DBNDD1: variants seen among roughly 807,000 people sequenced by gnomAD.
The protein encoded by DBNDD1 is dysbindin domain-containing protein 1.
DBNDD1 carries 14 observed loss-of-function variants against 17.0 expected under a neutral mutation model. That is an observed-to-expected ratio of 0.82 (90% CI 0.54 to 1.29). The LOEUF is 1.29. DBNDD1 is among the 50% of genes most tolerant of loss of function. DBNDD1 has a pLI of 0.00. For synonymous variants in DBNDD1, 105 were observed against 102.0 expected (o/e 1.03, Z -0.18); for missense variants, 221 against 216.2 (o/e 1.02, Z -0.14).
intron 3 of DBNDD1, among the ~76,000 whole-genome samples, chr16:90,007,990 C>T (rs11641852): frequency 5.3e-3 from 772 of 146,334 alleles, no homozygotes; most frequent in Non-Finnish European, 6.3e-3. Context: ...CCTCCCAGGA[C>T]GTCCCAAGGG....
chr16:90,016,791 G>A (rs530941350), intron 1 of DBNDD1, among the ~76,000 whole-genome samples: 98 of 152,356 alleles, frequency 6.4e-4, no homozygotes, highest in Non-Finnish European at 1.2e-3. Flanking sequence ...CCCGTCCAGA[G>A]CATCGAGGAG....
intron 1 of DBNDD1, chr16:90,009,905 T>C: frequency 1.3e-6 from 2 of 1,560,782 alleles, no homozygotes; most frequent in Non-Finnish European, 1.8e-6. Context: ...TAAAAACTGA[T>C]GTCGTATTTG....
Position 90,005,473 on chromosome 16 carries a change from G to C in DBNDD1, c.*862C>G, listed in dbSNP as rs941974473. ...GTCCCATGGGCTCCAAACCTGCCCA[G>C]CAAGTTTAAGGGCCGTGGGCAGGCC... is the stretch of plus-strand genomic sequence containing the variant. On this transcript the variant is annotated 3_prime_UTR_variant, in exon 4 of 4. Transcript: ENST00000002501. 1 of 152,236 alleles carries C rather than the reference G, an allele frequency of 6.6e-6. No homozygotes were observed. The highest frequency in any genetic ancestry group is 2.4e-5 in the African/African-American group (1 of 41,448). The allele number at this position is 152,236 out of a possible 1,614,324, so 9.4% of individuals were successfully genotyped here.
chr16:90,011,587 C>G (rs1484837174), intron 1 of DBNDD1: 2 of 446,282 alleles, frequency 4.5e-6, no homozygotes, highest in Non-Finnish European at 4.5e-6. Flanking sequence ...CACCTGCCTC[C>G]TGTCTGAGAA....
chr16:90,017,744 A>G (rs923085107), intron 1 of DBNDD1, among the ~76,000 whole-genome samples: 2 of 152,210 alleles, frequency 1.3e-5, no homozygotes, highest in African/African-American at 2.4e-5. Context: ...AGGTTCCACA[A>G]AGTAGGCATC....
Position 90,009,873 on chromosome 16 carries a change from A to T in DBNDD1, c.32-443T>A, listed in dbSNP as rs922414227. On this transcript the variant is annotated intron_variant, in intron 1 of 3. Transcript: ENST00000002501. ...CTTCAAACCAGAACAGCCCCTCTCC[A>T]CTGTGGACTGACTTTTCCTTTTAAA... 6.6e-6 allele frequency: 9 copies of T among 1,363,938 alleles called. No individual in the cohort carries two copies. In the African/African-American group the frequency reaches 1.1e-4, roughly 17 times the overall value. 84.5% of individuals were successfully genotyped at this position (1,363,938 alleles called of 1,614,324 possible). A position where few individuals can be genotyped will look rare whatever the true frequency, so the allele number is the denominator to read the frequency against.
At chr16:90,015,684 G>A (rs896139164) in intron 1 of DBNDD1, among the ~76,000 whole-genome samples, 2 of 152,186 alleles carry the variant, frequency 1.3e-5, no homozygotes, top group African/African-American at 2.4e-5. Flanking sequence ...CAAGAAGGAC[G>A]GCGGTACTGA....
intron 1 of DBNDD1, among the ~76,000 whole-genome samples, chr16:90,014,352 C>T (rs2035604345): frequency 6.6e-6 from 1 of 152,136 alleles, no homozygotes; most frequent in East Asian, 2.0e-4. Flanking sequence ...GTCTTGAACT[C>T]CTGACCTCAT....
rs1276378320 is a variant in DBNDD1 at position 90,009,770 on chromosome 16, C to G, written c.32-340G>C. 6 of 683,866 alleles carry G rather than the reference C, an allele frequency of 8.8e-6. No individual in the cohort carries two copies. The East Asian group carries it at 1.7e-4, about 19-fold the overall frequency. The allele number at this position is 683,866 out of a possible 1,614,324, so 42.4% of individuals were successfully genotyped here. On this transcript the variant is annotated intron_variant, in intron 1 of 3. Transcript: ENST00000002501. ...CGCGTGGCTGCATTCCAGTGCCGTC[C>G]TGGCCTCTGATTTCTAGCTCGGCCC...
At chr16:90,006,799 A>G (rs1447257365) in intron 3 of DBNDD1, 1 of 337,626 alleles carries the variant, frequency 3.0e-6, no homozygotes, top group East Asian at 4.9e-5. Flanking sequence ...GGGCCTCCCT[A>G]AACTGTTCCC....
chr16:90,006,730 G>A (rs527276463), intron 3 of DBNDD1: 355 of 571,210 alleles, frequency 6.2e-4, no homozygotes, highest in Middle Eastern at 1.9e-3. Context: ...GGTGCTCCCC[G>A]GAGTCACTGT....
At chr16:90,010,349 T>C (rs1251290414) in intron 1 of DBNDD1, 2 of 215,026 alleles carry the variant, frequency 9.3e-6, no homozygotes, top group African/African-American at 4.7e-5. Flanking sequence ...CCTCATTTTT[T>C]TTCACAAACG....
intron 1 of DBNDD1, among the ~76,000 whole-genome samples, chr16:90,013,262 T>TAAACAAAAAAAAAAAAAAAAAAAAAA (rs2035586416): frequency 2.0e-5 from 1 of 49,182 alleles, no homozygotes; most frequent in African/African-American, 7.0e-5. Flanking sequence ...AACCTTGCCT[T>TAAACAAAAAAAAAAAAAAAAAAAAAA]AAAAAAAAAA....
rs1324693161 is a variant in DBNDD1, at chr16:90,009,288, C to T, written c.174G>A (p.Arg58=). The T allele has an allele frequency of 5.6e-6, 9 of 1,613,242 alleles. No individual in the cohort carries two copies. Among genetic ancestry groups the T allele is most frequent in the Non-Finnish European group, 7.6e-6 (9 of 1,179,974 alleles). Residue 58 remains arginine (R), a synonymous_variant, in exon 2 of 4, where the codon AGG becomes AGA. Coordinates refer to ENST00000002501, the MANE Select transcript of DBNDD1 (RefSeq NM_001042610.3). The stretch of plus-strand genomic sequence containing the variant: ...TGGGCAGGGAGCAGTACTTACGCCT[C>T]CTCTCCGTGACCTGCAGGAGCCCCG... ...PAPGLLQVTE[R]RQPLSSVSSL... is the part of the protein sequence containing the mutation.
At chr16:90,017,261 C>T (rs13334855) in intron 1 of DBNDD1, among the ~76,000 whole-genome samples, 6 of 151,940 alleles carry the variant, frequency 3.9e-5, no homozygotes, top group African/African-American at 1.5e-4. Flanking sequence ...TTTGGGAGGC[C>T]GAGGCGGGTG....
In DBNDD1 at chr16:90,006,242, G is replaced by A; in HGVS notation, c.*93C>T. 6.9e-7 allele frequency: 1 copy of A among 1,458,880 alleles called. No individual in the cohort carries two copies. Among genetic ancestry groups the A allele is most frequent in the Non-Finnish European group, 9.2e-7 (1 of 1,092,548 alleles). The allele number at this position is 1,458,880 out of a possible 1,614,324, so 90.4% of individuals were successfully genotyped here. A position where few individuals can be genotyped will look rare whatever the true frequency, so the allele number is the denominator to read the frequency against. ...GGAGGTGACGGCTGGAGCCTCGTGG[G>A]CGGGTGAAGTGTGTCTGCTGGGTCA... On this transcript the variant is annotated 3_prime_UTR_variant, in exon 4 of 4. Transcript: ENST00000002501.
upstream of DBNDD1, chr16:90,019,548 C>G: frequency 6.2e-6 from 1 of 161,740 alleles, no homozygotes; most frequent in Non-Finnish European, 1.3e-5. This position sits in a 1 kb window ranked among gnomAD's most constrained non-coding sequence, Gnocchi z 6.1. Flanking sequence ...GGCGCCCCCC[C>G]AGCCGCAGGA....
chr16:90,010,416 G>T (rs2035532456), intron 1 of DBNDD1, among the ~76,000 whole-genome samples: 1 of 144,122 alleles, frequency 6.9e-6, no homozygotes, highest in African/African-American at 2.6e-5. Flanking sequence ...TCACCAGGCT[G>T]GAGTGCAGTG....
In DBNDD1 at chr16:90,011,434, TC is replaced by T. The variant is rs1210267364; in HGVS notation, c.32-2005del. 10 of 302,708 alleles carry T rather than the reference TC, an allele frequency of 3.3e-5. No individual in the cohort carries two copies. In the East Asian group the frequency reaches 1.1e-3, roughly 33 times the overall value. The allele number at this position is 302,708 out of a possible 1,614,324, so 18.8% of individuals were successfully genotyped here. On this transcript the variant is annotated intron_variant, in intron 1 of 3. Coordinates refer to ENST00000002501, the MANE Select transcript of DBNDD1 (RefSeq NM_001042610.3). ...GGGGCACCGGTGCAGGGCTGGGAGG[TC>T]CCCAGTGGCTTAAGAGCTGGGCAGT...
Sources: allele counts gnomAD v4.1 joint callset (sites outside exome capture counted in the v4.1 genomes callset), GRCh38; gene constraint gnomAD v4.1.1; non-coding constraint Gnocchi (gnomAD v3.1); transcripts MANE v1.5; gene names NCBI Gene and HGNC (gene_info 2026-07-23, HGNC 2026-07-21).